SLC43A2: variants seen among roughly 807,000 people sequenced by gnomAD.
The protein encoded by SLC43A2 is large neutral amino acids transporter small subunit 4.
In SLC43A2, 38 loss-of-function variants were observed where a neutral mutation model predicts 63.2. The ratio of observed to expected loss-of-function variants is 0.60; its 90% CI spans 0.46 to 0.79. The LOEUF (loss-of-function observed/expected upper bound fraction) is 0.79. SLC43A2 is among the 30% of genes least tolerant of loss of function. The pLI is 0.00. For missense variants in SLC43A2, 644 were observed against 756.2 expected, an observed-to-expected ratio of 0.85 and a Z score of 1.74; for synonymous variants, 322 against 331.0, an observed-to-expected ratio of 0.97 and a Z score of 0.30.
In SLC43A2 at chr17:1,605,167, C is replaced by T. The variant is rs1335230218; in HGVS notation, c.501+8028G>A. 9.8e-6 allele frequency: 12 copies of T among 1,218,360 alleles called. No homozygotes were observed. In the South Asian group the frequency reaches 1.8e-4, roughly 18 times the overall value. The allele number at this position is 1,218,360 out of a possible 1,614,324, so 75.5% of individuals were successfully genotyped here. On this transcript the variant is annotated intron_variant, in intron 5 of 13. Transcript: ENST00000301335. The surrounding 1 kb of genome is among the most constrained non-coding windows in gnomAD (Gnocchi z 4.9). ...TCTGCCTCCGTGCGGGTCAACCTGT[C>T]CTGCCAGCCCGGGCTGTTCACTCAC...
intron 2 of SLC43A2, among the ~76,000 whole-genome samples, chr17:1,624,030 G>A (rs1051083009): frequency 6.6e-6 from 1 of 152,226 alleles, no homozygotes; most frequent in Non-Finnish European, 1.5e-5. Flanking sequence ...CCACCCCCTG[G>A]AATTATACGG....
rs376850298 is a variant in SLC43A2, at chr17:1,591,397, G to A, written c.803C>T (p.Thr268Met). 2.5e-5 allele frequency: 40 copies of A among 1,612,898 alleles called. No homozygotes were observed. The highest frequency in any genetic ancestry group is 3.3e-5 in the South Asian group (3 of 91,088). The change falls in exon 8 of 14, where the codon ACG becomes ATG. Residue 268 changes from threonine (T) to methionine (M), a missense_variant. By Grantham distance (81) the Thr-to-Met change is moderately conservative (BLOSUM62 -1). Transcript: ENST00000301335. Reference sequence around the variant, plus strand: ...GCCCACACTCAGGCGCCGGCCCACCGTGGTCACCTGCTTGTAGAACTGCTT... The same window carrying A: ...GCCCACACTCAGGCGCCGGCCCACCATGGTCACCTGCTTGTAGAACTGCTT... Reference protein sequence around the residue: ...TGKQFYKQVTTVGRRLSVGSS... With the variant: ...TGKQFYKQVTMVGRRLSVGSS...
chr17:1,583,197 C>A lies in SLC43A2; in HGVS notation c.1350+7G>T. 2 of 1,613,700 alleles carry A rather than the reference C, an allele frequency of 1.2e-6. No individual in the cohort carries two copies. Among genetic ancestry groups the A allele is most frequent in the Non-Finnish European group, 1.7e-6 (2 of 1,179,650 alleles). On this transcript the variant is annotated splice_region_variant and intron_variant, in intron 11 of 13. Coordinates refer to ENST00000301335, the MANE Select transcript of SLC43A2 (RefSeq NM_152346.3). The surrounding 1 kb of genome is among the most constrained non-coding windows in gnomAD (Gnocchi z 5.5). ...TCCCACCTGCCCCTCCCACTCCCCA[C>A]ACCCACCTGGAGAGGCAGGTTGGGA...
rs1166123873 is a variant in SLC43A2, at chr17:1,624,965, C to T, written c.160+2750G>A. 2.0e-5 allele frequency among the ~76,000 whole-genome samples: 3 copies of T among 152,116 alleles called. No individual in the cohort carries two copies. In the East Asian group the frequency reaches 5.8e-4, roughly 29 times the overall value. Reference sequence around the variant, plus strand: ...GACCCTGACCCTGTTGAAGCGGGGGCCACTGGACAACAGAGAAAACGAAGA... The same window carrying T: ...GACCCTGACCCTGTTGAAGCGGGGGTCACTGGACAACAGAGAAAACGAAGA... On this transcript the variant is annotated intron_variant, in intron 2 of 13. Coordinates refer to ENST00000301335, the MANE Select transcript of SLC43A2 (RefSeq NM_152346.3).
At position 1,583,044 on chromosome 17, in the gene SLC43A2, A is replaced by T. The variant is rs906252887; in HGVS notation, c.1350+160T>A. 6.6e-6 allele frequency among the ~76,000 whole-genome samples: 1 copy of T among 152,194 alleles called. No individual in the cohort carries two copies. The highest frequency in any genetic ancestry group is 2.4e-5 in the African/African-American group (1 of 41,452). On this transcript the variant is annotated intron_variant, in intron 11 of 13. Coordinates refer to ENST00000301335, the MANE Select transcript of SLC43A2 (RefSeq NM_152346.3). This position sits in a 1 kb window ranked among gnomAD's most constrained non-coding sequence, Gnocchi z 5.5. ...CAGTGAGCCGAGATCACACCACTGC[A>T]CTCCAGCCTGAGCAACAGAGTTTGA...
intron 9 of SLC43A2, among the ~76,000 whole-genome samples, chr17:1,589,747 T>C (rs764546796): frequency 2.0e-5 from 3 of 152,230 alleles, no homozygotes; most frequent in African/African-American, 4.8e-5. Flanking sequence ...GCCTTCCAAG[T>C]AGCAGGGATT....
At chr17:1,603,273 T>A (rs1310176331) in intron 5 of SLC43A2, 1 of 152,036 alleles carries the variant, frequency 6.6e-6, no homozygotes, top group African/African-American at 2.4e-5. Flanking sequence ...TTTAAATAAA[T>A]AATTAGTGTC....
intron 6 of SLC43A2, among the ~76,000 whole-genome samples, chr17:1,592,376 G>A (rs779420473): frequency 4.6e-5 from 7 of 152,216 alleles, no homozygotes; most frequent in Admixed American, 6.5e-5. Flanking sequence ...GCAGTGAGCC[G>A]AGATCGTGCT....
intron 2 of SLC43A2, among the ~76,000 whole-genome samples, chr17:1,622,603 A>G (rs1908272143): frequency 7.0e-6 from 1 of 142,150 alleles, no homozygotes; most frequent in Admixed American, 7.1e-5. Flanking sequence ...TGTGGGTGTG[A>G]GGAGAGACTC....
chr17:1,605,375 G>A lies in SLC43A2; in HGVS notation c.501+7820C>T, dbSNP rs1906507407. 9.2e-6 allele frequency: 3 copies of A among 324,848 alleles called. No homozygotes were observed. The highest frequency in any genetic ancestry group is 1.4e-5 in the Non-Finnish European group (3 of 221,228). The allele number at this position is 324,848 out of a possible 1,614,324, so 20.1% of individuals were successfully genotyped here. A position where few individuals can be genotyped will look rare whatever the true frequency, so the allele number is the denominator to read the frequency against. On this transcript the variant is annotated intron_variant, in intron 5 of 13. Transcript: ENST00000301335. This position sits in a 1 kb window ranked among gnomAD's most constrained non-coding sequence, Gnocchi z 4.9. ...ACCACCGGACAGGAGTGCCTGCAGG[G>A]CCAAGGCCCTGGGACAGTGCGGGCG...
At chr17:1,594,691 C>T (rs1278348004) in intron 5 of SLC43A2, among the ~76,000 whole-genome samples, 2 of 148,026 alleles carry the variant, frequency 1.4e-5, no homozygotes, top group Non-Finnish European at 3.0e-5. Flanking sequence ...AGGTTCACGC[C>T]ATTCTCCTGC....
intron 5 of SLC43A2, 116 bp downstream of exon 5, chr17:1,613,079 G>A: frequency 1.1e-6 from 1 of 920,262 alleles, no homozygotes; most frequent in Non-Finnish European, 1.7e-6. Context: ...TCTACTGTTT[G>A]GGACACCCAG....
At chr17:1,598,777 A>G (rs1441477793) in intron 5 of SLC43A2, among the ~76,000 whole-genome samples, 1 of 152,064 alleles carries the variant, frequency 6.6e-6, no homozygotes, top group African/African-American at 2.4e-5. Flanking sequence ...GATGGGGAAG[A>G]GCAGAACCTG....
intron 5 of SLC43A2, among the ~76,000 whole-genome samples, chr17:1,611,214 G>C (rs1456410648): frequency 6.6e-6 from 1 of 152,154 alleles, no homozygotes; most frequent in Non-Finnish European, 1.5e-5. Flanking sequence ...CGGGGTGTGA[G>C]GTCCTCAAGC....
intron 6 of SLC43A2, 88 bp from the exon 7 acceptor site, chr17:1,591,787 G>T: frequency 9.7e-7 from 1 of 1,028,886 alleles, no homozygotes; most frequent in Non-Finnish European, 1.4e-6. Context: ...GGGGCGTCTG[G>T]CCACCCCTGC....
intron 5 of SLC43A2, among the ~76,000 whole-genome samples, chr17:1,610,910 G>A (rs1281590899): frequency 6.7e-6 from 1 of 150,022 alleles, no homozygotes; most frequent in Admixed American, 6.7e-5. Flanking sequence ...GCGCGATCTC[G>A]GCTCACTGCA....
chr17:1,576,584 C>T lies in SLC43A2; in HGVS notation c.1548+13G>A, dbSNP rs755785153. 2.7e-5 allele frequency: 43 copies of T among 1,596,064 alleles called. No individual in the cohort carries two copies. The highest frequency in any genetic ancestry group is 9.0e-5 in the East Asian group (4 of 44,670). On this transcript the variant is annotated intron_variant, in intron 13 of 13. Transcript: ENST00000301335. ...CAGGCGCCCATGACCCACCATCCCC[C>T]GACCCCTCTTACCCACAGAGGGTCT...
In SLC43A2 at chr17:1,606,159, C is replaced by T. The variant is rs570579858; in HGVS notation, c.501+7036G>A. On this transcript the variant is annotated intron_variant, in intron 5 of 13. Coordinates refer to ENST00000301335, the MANE Select transcript of SLC43A2 (RefSeq NM_152346.3). The surrounding 1 kb of genome is among the most constrained non-coding windows in gnomAD (Gnocchi z 4.7). ...CTCCAGAGCTGGCCGGGGGCCACCG[C>T]GGGACCCTCTCCTGGACCCTCCAGA... Among the ~76,000 whole-genome samples the T allele has an allele frequency of 2.0e-5, 3 of 151,458 alleles. No individual in the cohort carries two copies. Among genetic ancestry groups the T allele is most frequent in the South Asian group, 4.2e-4 (2 of 4,772 alleles).
chr17:1,600,153 T>TAGA (rs1491178977), intron 5 of SLC43A2, among the ~76,000 whole-genome samples: 1 of 38,254 alleles, frequency 2.6e-5, no homozygotes, highest in Non-Finnish European at 5.1e-5. Context: ...TATATATATA[T>TAGA]TTTTTTTTTT....
Sources: allele counts gnomAD v4.1 joint callset (sites outside exome capture counted in the v4.1 genomes callset), GRCh38; gene constraint gnomAD v4.1.1; non-coding constraint Gnocchi (gnomAD v3.1); transcripts MANE v1.5; gene names NCBI Gene and HGNC (gene_info 2026-07-23, HGNC 2026-07-21).